The following ASPH variants were observed in gnomAD, a reference collection of about 807,000 sequenced individuals.
The protein encoded by ASPH is aspartate beta-hydroxylase, also known as aspartyl/asparaginyl beta-hydroxylase.
In ASPH, 100 loss-of-function variants were observed where a neutral mutation model predicts 118.4. The observed-to-expected ratio is 0.84, with a 90% CI of 0.72 to 1.00. ASPH has a LOEUF of 1.00. Ranked by LOEUF, ASPH falls within the 50% of genes least tolerant of loss-of-function variation. The pLI, the probability that ASPH is intolerant of heterozygous loss-of-function variation, is 0.00. For synonymous variants in ASPH, 315 were observed against 325.6 expected, an observed-to-expected ratio of 0.97 and a Z score of 0.35; for missense variants, 920 against 919.5, an observed-to-expected ratio of 1.00 and a Z score of -0.01.
At chr8:61,619,363 A>G (rs1376874763) in intron 13 of ASPH, among the ~76,000 whole-genome samples, 1 of 152,212 alleles carries the variant, frequency 6.6e-6, no homozygotes, top group Non-Finnish European at 1.5e-5. Flanking sequence ...AGAAGCCATC[A>G]TTAAAGCTTG....
chr8:61,663,777 TCTC>T (rs1181934566), intron 3 of ASPH: 1 of 975,650 alleles, frequency 1.0e-6, no homozygotes, highest in African/African-American at 1.8e-5. Context: ...TAGGATTTCT[TCTC>T]TGTTGTATAA....
intron 1 of ASPH, among the ~76,000 whole-genome samples, chr8:61,708,467 A>C (rs1414892941): frequency 6.6e-6 from 1 of 152,222 alleles, no homozygotes; most frequent in Non-Finnish European, 1.5e-5. Flanking sequence ...AGACCAAAAG[A>C]GTCTTTCCAG....
chr8:61,536,942 C>CTA (rs1221456997), intron 21 of ASPH, among the ~76,000 whole-genome samples: 6 of 152,198 alleles, frequency 3.9e-5, no homozygotes, highest in African/African-American at 1.4e-4. Flanking sequence ...TAACATGAGG[C>CTA]ACCTAGCTAG....
chr8:61,544,979 G>T (rs898410195), intron 21 of ASPH, among the ~76,000 whole-genome samples: 50 of 152,146 alleles, frequency 3.3e-4, no homozygotes, highest in Non-Finnish European at 1.0e-4. Context: ...AAGAGGTAAA[G>T]AAAGAGTCCT....
Position 61,517,660 on chromosome 8 carries a change from A to G in ASPH, c.1994T>C (p.Ile665Thr). ...CCCGGGGTGCATGATGGAATATTTG[A>G]TCTGCATAGAAAACATGACACTCCA... ...PETTGCRRGQ[I>T]KYSIMHPGTH... The change falls in exon 24 of 25, where the codon ATC (isoleucine) becomes ACC (threonine). Residue 665 changes from isoleucine to threonine, a missense_variant and splice_region_variant. Transcript: ENST00000379454. The G allele has an allele frequency of 6.2e-7, 1 of 1,613,682 alleles. No homozygotes were observed. Among genetic ancestry groups the G allele is most frequent in the Admixed American group, 1.7e-5 (1 of 60,010 alleles).
chr8:61,683,335 A>T (rs1469840298), intron 2 of ASPH, among the ~76,000 whole-genome samples: 2 of 152,168 alleles, frequency 1.3e-5, no homozygotes, highest in Non-Finnish European at 2.9e-5. Flanking sequence ...TTCAGTTTAA[A>T]AAAAGATTTT....
At chr8:61,528,454 GC>G (rs1175725284) in intron 21 of ASPH, among the ~76,000 whole-genome samples, 1 of 152,212 alleles carries the variant, frequency 6.6e-6, no homozygotes, top group Non-Finnish European at 1.5e-5. Flanking sequence ...GGGAAGAATT[GC>G]TCCTCTAACA....
At position 61,503,523 on chromosome 8, in the gene ASPH, A is replaced by G; in HGVS notation, c.2127-14T>C. 3.1e-6 allele frequency: 5 copies of G among 1,605,886 alleles called. No homozygotes were observed. The highest frequency in any genetic ancestry group is 3.4e-5 in the Admixed American group (2 of 59,420). On this transcript the variant is annotated splice_polypyrimidine_tract_variant and intron_variant, in intron 24 of 24. Coordinates refer to ENST00000379454, the MANE Select transcript of ASPH (RefSeq NM_004318.4). ...TCCTCCCAGGTCCTGCAGCAGAAAGACAAGGATTCCTGAATATAGTTTTGT... is the reference window on the plus strand; with the variant it reads ...TCCTCCCAGGTCCTGCAGCAGAAAGGCAAGGATTCCTGAATATAGTTTTGT...
intron 1 of ASPH, among the ~76,000 whole-genome samples, chr8:61,704,253 A>G (rs1005664564): frequency 1.4e-5 from 2 of 147,778 alleles, no homozygotes; most frequent in African/African-American, 4.9e-5. Flanking sequence ...TCAGAAACAG[A>G]TTTATACTTA....
At chr8:61,586,922 C>T (rs1468821384) in intron 14 of ASPH, among the ~76,000 whole-genome samples, 1 of 152,220 alleles carries the variant, frequency 6.6e-6, no homozygotes, top group Non-Finnish European at 1.5e-5. Context: ...AACATTCGTG[C>T]TGAGCGGAAC....
At chr8:61,550,642 G>A (rs933234426) in intron 20 of ASPH, among the ~76,000 whole-genome samples, 2 of 152,186 alleles carry the variant, frequency 1.3e-5, no homozygotes, top group African/African-American at 4.8e-5. Flanking sequence ...ACACACTTCT[G>A]GTGAGAAGAG....
At chr8:61,625,711 T>A in intron 13 of ASPH, 1 of 985,260 alleles carries the variant, frequency 1.0e-6, no homozygotes, top group East Asian at 1.1e-4. Flanking sequence ...CACTTAAAGC[T>A]AATGTAGAAA....
intron 8 of ASPH, among the ~76,000 whole-genome samples, 183 bp downstream of exon 8, chr8:61,643,762 A>T (rs1458617141): frequency 2.0e-5 from 3 of 152,212 alleles, no homozygotes; most frequent in Non-Finnish European, 4.4e-5. Flanking sequence ...TTTTTCTCTC[A>T]TCCCTCTATG....
At chr8:61,507,714 G>A (rs1807172715) in intron 24 of ASPH, among the ~76,000 whole-genome samples, 1 of 152,132 alleles carries the variant, frequency 6.6e-6, no homozygotes, top group Admixed American at 6.5e-5. Flanking sequence ...AATCGCTTCT[G>A]ACTGAAAACC....
chr8:61,572,446 C>T (rs905495563), intron 16 of ASPH, among the ~76,000 whole-genome samples: 1 of 152,220 alleles, frequency 6.6e-6, no homozygotes, highest in Non-Finnish European at 1.5e-5. Flanking sequence ...GCATCACACA[C>T]TTAATAAGAC....
chr8:61,506,091 AACAG>A (rs1286182903), intron 24 of ASPH, among the ~76,000 whole-genome samples: 8 of 152,374 alleles, frequency 5.3e-5, no homozygotes, highest in African/African-American at 1.9e-4. Flanking sequence ...TCAGTGAATG[AACAG>A]ACAAACAAAA....
rs558547870 is a variant in ASPH at position 61,597,335 on chromosome 8, G to A, written c.977-13306C>T. On this transcript the variant is annotated intron_variant, in intron 14 of 24. Coordinates refer to ENST00000379454, the MANE Select transcript of ASPH (RefSeq NM_004318.4). The stretch of plus-strand genomic sequence containing the variant: ...AGTTCAAGATCAGTGTGGGCAACAT[G>A]GCAAGACCCTGTCTCAAGAAAAGAA... Among the ~76,000 whole-genome samples the A allele has an allele frequency of 3.3e-5, 5 of 152,060 alleles. No individual in the cohort carries two copies. In the East Asian group the frequency reaches 7.7e-4, roughly 23 times the overall value.
intron 13 of ASPH, chr8:61,631,609 C>G (rs983411591): frequency 2.0e-5 from 3 of 152,216 alleles, no homozygotes; most frequent in Non-Finnish European, 2.9e-5. Flanking sequence ...ACGACACACT[C>G]TCAGTCTGTA....
At chr8:61,622,340 G>A (rs563166911) in intron 13 of ASPH, among the ~76,000 whole-genome samples, 2 of 152,248 alleles carry the variant, frequency 1.3e-5, no homozygotes, top group East Asian at 1.9e-4. Context: ...CTGAGACTCC[G>A]TCTCAAAAAT....
Sources: gnomAD v4.1 joint callset for allele counts (sites outside exome capture counted in the v4.1 genomes callset) on GRCh38, gnomAD v4.1.1 for gene constraint, MANE v1.5 for transcripts, NCBI Gene and HGNC (gene_info 2026-07-23, HGNC 2026-07-21) for gene names.